SCHIP1: variants seen among roughly 807,000 people sequenced by gnomAD.
SCHIP1 encodes the protein schwannomin interacting protein 1, also known as schwannomin-interacting protein 1.
Under a neutral mutation model 29.7 loss-of-function variants are expected in SCHIP1, and 8 were observed. The observed-to-expected ratio is 0.27, with a 90% CI of 0.16 to 0.49. The LOEUF (loss-of-function observed/expected upper bound fraction) is 0.49, where lower values mean the gene tolerates loss of function less well. SCHIP1 is among the 20% of genes least tolerant of loss of function. SCHIP1 has a pLI of 0.99. For synonymous variants in SCHIP1, 76 were observed against 94.9 expected, an observed-to-expected ratio of 0.80 and a Z score of 1.16; for missense variants, 193 against 294.6, an observed-to-expected ratio of 0.66 and a Z score of 2.52.
the SCHIP1 span, among the ~76,000 whole-genome samples, chr3:159,338,270 G>C: frequency 6.6e-6 from 1 of 152,036 alleles, no homozygotes; most frequent in Non-Finnish European, 1.5e-5. Context: ...CTTAAATAGT[G>C]GGGACAAGGA....
chr3:159,371,459 T>A, the SCHIP1 span, among the ~76,000 whole-genome samples: 9 of 152,296 alleles, frequency 5.9e-5, no homozygotes, highest in Admixed American at 1.3e-4. Context: ...TATAGCAATT[T>A]ATCAATTGGA....
At chr3:159,666,880 A>C in the SCHIP1 span, among the ~76,000 whole-genome samples, 2 of 152,336 alleles carry the variant, frequency 1.3e-5, no homozygotes, top group East Asian at 3.9e-4. Flanking sequence ...CCCGATGTCT[A>C]CATCGGTCAA....
chr3:159,591,642 A>G, the SCHIP1 span, among the ~76,000 whole-genome samples: 2 of 152,160 alleles, frequency 1.3e-5, no homozygotes, highest in African/African-American at 4.8e-5. Context: ...TCTGAAAGCC[A>G]TCATTCTCAG....
the SCHIP1 span, among the ~76,000 whole-genome samples, chr3:159,397,559 G>A: frequency 1.3e-5 from 2 of 152,164 alleles, no homozygotes; most frequent in Non-Finnish European, 2.9e-5. Context: ...CTCAGCTGCA[G>A]GTCTGTTGGA....
the SCHIP1 span, among the ~76,000 whole-genome samples, chr3:159,307,951 T>A: frequency 6.6e-6 from 1 of 152,182 alleles, no homozygotes; most frequent in Non-Finnish European, 1.5e-5. Flanking sequence ...TTTGTACCAG[T>A]ACCAAGCTGT....
chr3:159,367,338 G>A, the SCHIP1 span, among the ~76,000 whole-genome samples: 1 of 151,490 alleles, frequency 6.6e-6, no homozygotes, highest in South Asian at 2.1e-4. Flanking sequence ...GTTGCCGTGA[G>A]CCGAGATCAT....
At chr3:159,715,057 T>G in the SCHIP1 span, among the ~76,000 whole-genome samples, 1 of 152,224 alleles carries the variant, frequency 6.6e-6, no homozygotes, top group African/African-American at 2.4e-5. Flanking sequence ...TCCAAAGGAA[T>G]GATCAGGCAG....
At chr3:159,430,945 G>A in the SCHIP1 span, among the ~76,000 whole-genome samples, 2 of 152,090 alleles carry the variant, frequency 1.3e-5, no homozygotes, top group Admixed American at 1.3e-4. Flanking sequence ...TAGAAATGAA[G>A]AGGGACTCAA....
chr3:159,335,912 T>C, the SCHIP1 span, among the ~76,000 whole-genome samples: 1 of 152,222 alleles, frequency 6.6e-6, no homozygotes, highest in Non-Finnish European at 1.5e-5. Flanking sequence ...CCCTGAGGAA[T>C]CGCCACACTG....
At chr3:159,742,898 C>A in the SCHIP1 span, among the ~76,000 whole-genome samples, 1 of 145,616 alleles carries the variant, frequency 6.9e-6, no homozygotes, top group Non-Finnish European at 1.5e-5. Context: ...TGTTGGCCAG[C>A]CTGGTCTCAA....
the SCHIP1 span, among the ~76,000 whole-genome samples, chr3:159,299,803 C>T: frequency 2.0e-5 from 3 of 152,148 alleles, no homozygotes; most frequent in Non-Finnish European, 4.4e-5. Context: ...CCTGACGTAG[C>T]CTTGTCTACC....
At chr3:159,508,586 C>T in the SCHIP1 span, among the ~76,000 whole-genome samples, 2 of 152,184 alleles carry the variant, frequency 1.3e-5, no homozygotes, top group Admixed American at 1.3e-4. Flanking sequence ...ATCTTTCTTG[C>T]TTTCTCTTGT....
upstream of SCHIP1, among the ~76,000 whole-genome samples, chr3:159,835,338 A>G (rs1016631340): frequency 1.3e-5 from 2 of 152,216 alleles, no homozygotes; most frequent in Non-Finnish European, 2.9e-5. Flanking sequence ...ACTGACTGGA[A>G]GGGGCATATG....
At chr3:159,680,673 T>C in the SCHIP1 span, among the ~76,000 whole-genome samples, 7 of 6,980 alleles carry the variant, frequency 1.0e-3, no homozygotes, top group African/African-American at 2.6e-3. Flanking sequence ...ATATATATTA[T>C]ATATATAATA....
chr3:159,449,610 T>C, the SCHIP1 span, among the ~76,000 whole-genome samples: 1 of 152,300 alleles, frequency 6.6e-6, no homozygotes, highest in South Asian at 2.1e-4. Context: ...TTTCATATCA[T>C]AAAATAATAA....
chr3:159,438,234 C>A, the SCHIP1 span, among the ~76,000 whole-genome samples: 4 of 152,076 alleles, frequency 2.6e-5, no homozygotes, highest in Admixed American at 6.6e-5. Context: ...TGGGATTAAG[C>A]CCAGAGCTCC....
chr3:159,332,030 C>T, the SCHIP1 span, among the ~76,000 whole-genome samples: 8 of 152,308 alleles, frequency 5.3e-5, no homozygotes, highest in South Asian at 1.7e-3. Flanking sequence ...TTCCTGACTC[C>T]TCACCTTCCC....
At chr3:159,818,790 T>C in the SCHIP1 span, among the ~76,000 whole-genome samples, 1 of 152,244 alleles carries the variant, frequency 6.6e-6, no homozygotes, top group African/African-American at 2.4e-5. Flanking sequence ...ACAGGTCCTT[T>C]TCCTTTTTGA....
the SCHIP1 span, among the ~76,000 whole-genome samples, chr3:159,641,237 G>T: frequency 2.0e-5 from 3 of 152,092 alleles, no homozygotes; most frequent in African/African-American, 7.2e-5. Flanking sequence ...ATGGAAATTT[G>T]ACAAAAATAA....
Sources: allele counts gnomAD v4.1 joint callset (sites outside exome capture counted in the v4.1 genomes callset), GRCh38; gene constraint gnomAD v4.1.1; transcripts MANE v1.5; gene names NCBI Gene and HGNC (gene_info 2026-07-23, HGNC 2026-07-21).